DNAJC10: variants seen among roughly 807,000 people sequenced by gnomAD.
DNAJC10 encodes the protein endoplasmic reticulum disulfide reductase DNAJC10.
A neutral mutation model predicts 115.0 loss-of-function variants in DNAJC10; 101 were observed. The observed-to-expected ratio is 0.88, with a 90% confidence interval of 0.75 to 1.04. The LOEUF is 1.04. Among genes scored for constraint, DNAJC10 ranks in the 50% least tolerant of loss-of-function variants. The probability of loss-of-function intolerance (pLI) is 0.00; values close to 1 mark genes in which losing one functional copy is unlikely to be tolerated. For missense variants in DNAJC10, 981 were observed against 928.8 expected (o/e 1.06, Z -0.73); for synonymous variants, 307 against 301.5 (o/e 1.02, Z -0.19).
Position 182,718,140 on chromosome 2 carries a change from T to C in DNAJC10, c.54T>C (p.Ile18=), listed in dbSNP as rs764255888. 18 of 1,612,978 alleles carry C rather than the reference T, an allele frequency of 1.1e-5. No individual in the cohort carries two copies. In the East Asian group the frequency reaches 4.0e-4, roughly 36 times the overall value. Residue 18 remains isoleucine (I), a synonymous_variant, in exon 3 of 24, where the codon ATT becomes ATC. Coordinates refer to ENST00000264065, the MANE Select transcript of DNAJC10 (RefSeq NM_018981.4). Reference sequence around the variant, plus strand: ...ATATCAGAGACTTGAAAAGGATCATTCTCTGTTTTCTGATAGTGTATATGG... The same window carrying C: ...ATATCAGAGACTTGAAAAGGATCATCCTCTGTTTTCTGATAGTGTATATGG... ...DDYIRDLKRI[I]LCFLIVYMAI... is the part of the protein sequence containing the mutation.
chr2:182,738,890 G>A (rs1693655477), intron 11 of DNAJC10, among the ~76,000 whole-genome samples: 2 of 152,084 alleles, frequency 1.3e-5, no homozygotes, highest in African/African-American at 4.8e-5. Flanking sequence ...AATATATCTG[G>A]TAGGTGGAAT....
In DNAJC10 at chr2:182,777,974, T is replaced by C. The variant is rs1430462368; in HGVS notation, c.*842T>C. The C allele has an allele frequency of 6.6e-6, 1 of 152,172 alleles. No individual in the cohort carries two copies. The highest frequency in any genetic ancestry group is 1.5e-5 in the Non-Finnish European group (1 of 68,008). 9.4% of individuals were successfully genotyped at this position (152,172 alleles called of 1,614,324 possible). The stretch of plus-strand genomic sequence containing the variant: ...GGCATTGTAGAGTATCCTAAATATG[T>C]TATCAAGTATTTAGAGTTCTATATT... On this transcript the variant is annotated 3_prime_UTR_variant, in exon 24 of 24. Coordinates refer to ENST00000264065, the MANE Select transcript of DNAJC10 (RefSeq NM_018981.4).
rs1249347811 is a variant in DNAJC10 at position 182,757,811 on chromosome 2, A to G, written c.1929A>G (p.Lys643=). The G allele has an allele frequency of 2.0e-6, 3 of 1,499,168 alleles. No homozygotes were observed. The highest frequency in any genetic ancestry group is 1.8e-6 in the Non-Finnish European group (2 of 1,083,288). The allele number at this position is 1,499,168 out of a possible 1,614,324, so 92.9% of individuals were successfully genotyped here. A position where few individuals can be genotyped will look rare whatever the true frequency, so the allele number is the denominator to read the frequency against. The change falls in exon 19 of 24, where the codon AAA becomes AAG. Residue 643 remains lysine, a synonymous_variant. Coordinates refer to ENST00000264065, the MANE Select transcript of DNAJC10 (RefSeq NM_018981.4). Reference sequence around the variant, plus strand: ...GATTTTTTCCCCCAAAATCAAATAAAGCTTATCATTATCAGTAAGTATTCT... The same window carrying G: ...GATTTTTTCCCCCAAAATCAAATAAGGCTTATCATTATCAGTAAGTATTCT... ...EIRFFPPKSN[K]AYHYHSYNGW...
At position 182,736,346 on chromosome 2, in the gene DNAJC10, C is replaced by G. The variant is rs766232098; in HGVS notation, c.947C>G (p.Pro316Arg). Reference protein sequence around the residue: ...ITTSTTAYFPPGATLNNKEKN... With the variant: ...ITTSTTAYFPRGATLNNKEKN... ...ACAAGTACTACTGCTTATTTTCCTC[C>G]TGGAGCCACTTTAAATAACAAAGAG... Residue 316 changes from proline (P) to arginine (R), a missense_variant, in exon 11 of 24, where the codon CCT becomes CGT. Pro to Arg is a moderately radical substitution (Grantham distance 103). Coordinates refer to ENST00000264065, the MANE Select transcript of DNAJC10 (RefSeq NM_018981.4). 22 of 1,584,458 alleles carry G rather than the reference C, an allele frequency of 1.4e-5. No individual in the cohort carries two copies. Among genetic ancestry groups the G allele is most frequent in the Non-Finnish European group, 1.8e-5 (21 of 1,168,852 alleles).
intron 7 of DNAJC10, among the ~76,000 whole-genome samples, chr2:182,729,543 T>G (rs1007132530): frequency 1.3e-5 from 2 of 152,222 alleles, no homozygotes; most frequent in African/African-American, 4.8e-5. Flanking sequence ...ATATGTATAT[T>G]GTATTTGGTA....
At chr2:182,770,747 C>G (rs892476090) in intron 22 of DNAJC10, among the ~76,000 whole-genome samples, 2 of 152,186 alleles carry the variant, frequency 1.3e-5, no homozygotes, top group Non-Finnish European at 2.9e-5. Context: ...ATCATGTCAT[C>G]TGCATACAGG....
rs1404121340 is a variant in DNAJC10, at chr2:182,778,560, TC to T, written c.*1429del. On this transcript the variant is annotated 3_prime_UTR_variant, in exon 24 of 24. Transcript: ENST00000264065. ...GTGTTTTGAGGAGTTTTCCTTTTTT[TC>T]TTTTCAATATCACTTTATCCTGCTC... The T allele has an allele frequency of 2.5e-5, 3 of 121,306 alleles. No individual in the cohort carries two copies. Among genetic ancestry groups the T allele is most frequent in the Non-Finnish European group, 5.2e-5 (3 of 57,396 alleles). The allele number at this position is 121,306 out of a possible 1,614,324, so 7.5% of individuals were successfully genotyped here.
intron 14 of DNAJC10, among the ~76,000 whole-genome samples, chr2:182,748,651 A>G (rs1035576140): frequency 2.6e-5 from 4 of 152,024 alleles, no homozygotes; most frequent in East Asian, 1.9e-4. Flanking sequence ...CTAGCGGTCT[A>G]TCAGTTTTGT....
intron 14 of DNAJC10, among the ~76,000 whole-genome samples, chr2:182,748,677 AC>A (rs983283383): frequency 4.6e-5 from 7 of 151,948 alleles, no homozygotes; most frequent in Non-Finnish European, 1.0e-4. Context: ...CTTTCAAAAA[AC>A]CAGCTCCTCT....
intron 17 of DNAJC10, among the ~76,000 whole-genome samples, chr2:182,755,476 A>T (rs371343250): frequency 6.8e-6 from 1 of 146,060 alleles, no homozygotes. Flanking sequence ...TGATAGAAAT[A>T]CTTACAGGGG....
At chr2:182,762,385 A>T (rs1290134129) in intron 21 of DNAJC10, among the ~76,000 whole-genome samples, 1 of 151,956 alleles carries the variant, frequency 6.6e-6, no homozygotes, top group Non-Finnish European at 1.5e-5. Context: ...AGAAACAGAA[A>T]CATGTTTATG....
intron 11 of DNAJC10, 156 bp from the exon 12 acceptor site, chr2:182,740,142 CT>C: frequency 4.3e-6 from 5 of 1,157,038 alleles, no homozygotes; most frequent in South Asian, 2.6e-5. Flanking sequence ...CCAAAATACA[CT>C]TTTTTTGAAA....
intron 5 of DNAJC10, among the ~76,000 whole-genome samples, chr2:182,727,521 CTT>C (rs1023269227): frequency 2.0e-5 from 3 of 152,138 alleles, no homozygotes; most frequent in African/African-American, 7.2e-5. Context: ...ATTTGCCAGA[CTT>C]TGAAAACATT....
At chr2:182,728,445 G>A in intron 5 of DNAJC10, 131 bp from the exon 6 acceptor site, 1 of 575,094 alleles carries the variant, frequency 1.7e-6, no homozygotes, top group Non-Finnish European at 2.9e-6. Flanking sequence ...ACATCACACA[G>A]AAAATGAGAA....
chr2:182,721,544 C>A (rs542358440), intron 4 of DNAJC10, among the ~76,000 whole-genome samples: 118 of 152,228 alleles, frequency 7.8e-4, no homozygotes, highest in African/African-American at 2.7e-3. Flanking sequence ...TAACATGATA[C>A]CATGTGTTAA....
At chr2:182,756,942 C>A (rs1289856984) in intron 18 of DNAJC10, among the ~76,000 whole-genome samples, 1 of 152,130 alleles carries the variant, frequency 6.6e-6, no homozygotes, top group East Asian at 1.9e-4. Flanking sequence ...CCCAGTATAT[C>A]CAGTACTTTT....
At chr2:182,719,120 G>T (rs1278320861) in intron 3 of DNAJC10, among the ~76,000 whole-genome samples, 1 of 150,746 alleles carries the variant, frequency 6.6e-6, no homozygotes, top group African/African-American at 2.4e-5. Flanking sequence ...TGATTTTTAA[G>T]TTTCCATATA....
At chr2:182,774,727 G>A (rs571469282) in intron 22 of DNAJC10, among the ~76,000 whole-genome samples, 3 of 152,370 alleles carry the variant, frequency 2.0e-5, no homozygotes, top group Non-Finnish European at 2.9e-5. Flanking sequence ...TTGGGCGAGA[G>A]TGTCCCGTTT....
chr2:182,762,458 G>C (rs968267535), intron 21 of DNAJC10, among the ~76,000 whole-genome samples: 2 of 152,132 alleles, frequency 1.3e-5, no homozygotes, highest in African/African-American at 4.8e-5. Context: ...AAGCTGCTCA[G>C]TTTTCTTGAT....
Sources: gnomAD v4.1 joint callset for allele counts (sites outside exome capture counted in the v4.1 genomes callset) on GRCh38, gnomAD v4.1.1 for gene constraint, MANE v1.5 for transcripts, NCBI Gene and HGNC (gene_info 2026-07-23, HGNC 2026-07-21) for gene names.